GKN2: variants seen among roughly 807,000 people sequenced by gnomAD.
The protein encoded by GKN2 is gastrokine-2.
Under a neutral mutation model 22.7 loss-of-function variants are expected in GKN2, and 17 were observed. The observed-to-expected ratio is 0.75, with a 90% confidence interval of 0.51 to 1.13. GKN2 has a LOEUF of 1.13. Among genes scored for constraint, GKN2 ranks in the 50% most tolerant of loss-of-function variants. The pLI is 0.00. For missense variants in GKN2, 248 were observed against 221.4 expected (o/e 1.12, Z -0.76); for synonymous variants, 82 against 79.6 (o/e 1.03, Z -0.16).
At chr2:68,950,041 A>G (rs757967403) in intron 3 of GKN2, 85 bp downstream of exon 3, 261 of 1,014,228 alleles carry the variant, frequency 2.6e-4, no homozygotes, top group Non-Finnish European at 3.2e-4. Flanking sequence ...TAAGAATTCA[A>G]GTATATATGC....
In GKN2 at chr2:68,945,837, T is replaced by A. The variant is rs540286715; in HGVS notation, c.473-387A>T. 28 of 219,620 alleles carry A rather than the reference T, an allele frequency of 1.3e-4. No individual in the cohort carries two copies. The South Asian group carries it at 3.7e-3, about 29-fold the overall frequency. 13.6% of individuals were successfully genotyped at this position (219,620 alleles called of 1,614,324 possible). A position where few individuals can be genotyped will look rare whatever the true frequency, so the allele number is the denominator to read the frequency against. ...TCTGCAGTGGCATATGTTACCCAGA[T>A]GAATCAGGGTTTTTACTCCCTGTCT... On this transcript the variant is annotated intron_variant, in intron 5 of 5. Coordinates refer to ENST00000328895, the MANE Select transcript of GKN2 (RefSeq NM_182536.3).
rs148573188 is a variant in GKN2, at chr2:68,946,859, C to T, written c.315+288G>A. Among the ~76,000 whole-genome samples, 495 of 152,202 alleles carry T rather than the reference C, an allele frequency of 3.3e-3. 5 individuals are homozygous for T. The highest frequency in any genetic ancestry group is 0.011 in the African/African-American group (453 of 41,534). On this transcript the variant is annotated intron_variant, in intron 4 of 5. Transcript: ENST00000328895. ...TGTTCCAGTCACCATTTCTCATAGC[C>T]CTGCTCTGAGAAGAGAAGCTGATCA...
rs375702816 is a variant in GKN2, at chr2:68,945,358, G to A, written c.*10C>T. ...TTCTTTGAAAAGATAAAACAAGAGG[G>A]CTAATCATCCTAAACATGAATGTCT... On this transcript the variant is annotated 3_prime_UTR_variant, in exon 6 of 6. Coordinates refer to ENST00000328895, the MANE Select transcript of GKN2 (RefSeq NM_182536.3). 8 of 1,566,826 alleles carry A rather than the reference G, an allele frequency of 5.1e-6. No individual in the cohort carries two copies. In the African/African-American group the frequency reaches 9.4e-5, roughly 18 times the overall value.
intron 1 of GKN2, 49 bp from the exon 2 acceptor site, chr2:68,950,804 T>C: frequency 6.3e-7 from 1 of 1,585,484 alleles, no homozygotes; most frequent in Non-Finnish European, 8.7e-7. Flanking sequence ...AGTCATTGAG[T>C]GTGGGACAGG....
At chr2:68,951,176 A>T (rs879427661) in intron 1 of GKN2, among the ~76,000 whole-genome samples, 9 of 152,190 alleles carry the variant, frequency 5.9e-5, no homozygotes, top group Non-Finnish European at 7.3e-5. Flanking sequence ...AATTAATTTT[A>T]AAAAACTTTA....
intron 1 of GKN2, among the ~76,000 whole-genome samples, chr2:68,951,531 G>A (rs907213971): frequency 4.6e-5 from 7 of 152,334 alleles, no homozygotes; most frequent in Middle Eastern, 3.4e-3. Flanking sequence ...TGACTGCACT[G>A]TCATTTGAAA....
In GKN2 at chr2:68,947,051, T is replaced by C. The variant is rs6742850; in HGVS notation, c.315+96A>G. The stretch of plus-strand genomic sequence containing the variant: ...GTATCACATTTATGGTAAGGCATGA[T>C]AGTATGATCTTCTCCCTCACACTCT... On this transcript the variant is annotated intron_variant, in intron 4 of 5. Coordinates refer to ENST00000328895, the MANE Select transcript of GKN2 (RefSeq NM_182536.3). The C allele has an allele frequency of 0.023, 16,925 of 746,334 alleles. 1,872 individuals are homozygous for C. The African/African-American group carries it at 0.25, about 11-fold the overall frequency. The allele number at this position is 746,334 out of a possible 1,614,324, so 46.2% of individuals were successfully genotyped here.
At chr2:68,950,067 A>G in intron 3 of GKN2, 59 bp downstream of exon 3, 2 of 1,450,620 alleles carry the variant, frequency 1.4e-6, no homozygotes, top group Non-Finnish European at 1.9e-6. Context: ...ATATATATAG[A>G]TCCCTCTGCT....
chr2:68,946,526 A>G, intron 4 of GKN2, 66 bp from the exon 5 acceptor site: 1 of 1,315,142 alleles, frequency 7.6e-7, no homozygotes, highest in Non-Finnish European at 1.0e-6. Flanking sequence ...ACCTTATTCT[A>G]AATTGTGACA....
At chr2:68,952,820 G>A (rs532910142) in intron 1 of GKN2, 30 bp downstream of exon 1, 1 of 1,613,062 alleles carries the variant, frequency 6.2e-7, no homozygotes, top group Non-Finnish European at 8.5e-7. Context: ...GTCACCACAA[G>A]AGTATCAAGA....
chr2:68,952,124 G>A (rs1669865353), intron 1 of GKN2, among the ~76,000 whole-genome samples: 1 of 152,212 alleles, frequency 6.6e-6, no homozygotes, highest in African/African-American at 2.4e-5. Flanking sequence ...GCACTGCAAT[G>A]TGGAACTACG....
At chr2:68,948,507 G>T (rs910196516) in intron 3 of GKN2, among the ~76,000 whole-genome samples, 1 of 152,056 alleles carries the variant, frequency 6.6e-6, no homozygotes, top group African/African-American at 2.4e-5. Context: ...ACTCATGCAC[G>T]CTCACACACG....
At position 68,952,835 on chromosome 2, in the gene GKN2, G is replaced by A; in HGVS notation, c.12+15C>T. 2 of 1,613,738 alleles carry A rather than the reference G, an allele frequency of 1.2e-6. No homozygotes were observed. The highest frequency in any genetic ancestry group is 2.2e-5 in the South Asian group (2 of 91,060). On this transcript the variant is annotated intron_variant, in intron 1 of 5. Transcript: ENST00000328895. ...GTCACCACAAGAGTATCAAGAAGCA[G>A]AAACAAATACTCACAAGTATTTTCA... is the stretch of plus-strand genomic sequence containing the variant.
intron 3 of GKN2, among the ~76,000 whole-genome samples, chr2:68,948,115 G>A (rs1292732213): frequency 2.6e-5 from 4 of 151,582 alleles, no homozygotes; most frequent in Admixed American, 6.6e-5. Context: ...GCGTGGTGGC[G>A]GGCACCTGTA....
chr2:68,947,184 G>A lies in GKN2; in HGVS notation c.278C>T (p.Pro93Leu). Residue 93 changes from proline (P) to leucine (L), a missense_variant, in exon 4 of 6, where the codon CCT becomes CTT. By Grantham distance (98) the Pro-to-Leu change is moderately conservative. Coordinates refer to ENST00000328895, the MANE Select transcript of GKN2 (RefSeq NM_182536.3). Reference sequence around the variant, plus strand: ...GATGTACCATTGGAGATTGTTCAGAGGAGGGATGTTCTGATGGTCCATCTT... The same window carrying A: ...GATGTACCATTGGAGATTGTTCAGAAGAGGGATGTTCTGATGGTCCATCTT... ...ILKMDHQNIP[P>L]LNNLQWYIYE... The A allele has an allele frequency of 1.9e-6, 3 of 1,613,534 alleles. No homozygotes were observed. Among genetic ancestry groups the A allele is most frequent in the Non-Finnish European group, 1.7e-6 (2 of 1,179,496 alleles).
Position 68,947,174 on chromosome 2 carries a change from A to C in GKN2, c.288T>G (p.Asn96Lys). The change falls in exon 4 of 6, where the codon AAT (asparagine) becomes AAG (lysine). Residue 96 changes from asparagine to lysine, a missense_variant. By Grantham distance (94) the Asn-to-Lys change is moderately conservative (BLOSUM62 0). Transcript: ENST00000328895. The stretch of plus-strand genomic sequence containing the variant: ...GTTTCTCATAGATGTACCATTGGAG[A>C]TTGTTCAGAGGAGGGATGTTCTGAT... ...MDHQNIPPLN[N>K]LQWYIYEKQA... 6.2e-7 allele frequency: 1 copy of C among 1,612,790 alleles called. No homozygotes were observed. The highest frequency in any genetic ancestry group is 8.5e-7 in the Non-Finnish European group (1 of 1,178,842).
In GKN2 at chr2:68,946,312, T is replaced by C. The variant is rs765025122; in HGVS notation, c.464A>G (p.Glu155Gly). 1 of 1,606,880 alleles carries C rather than the reference T, an allele frequency of 6.2e-7. No homozygotes were observed. Among genetic ancestry groups the C allele is most frequent in the Non-Finnish European group, 8.5e-7 (1 of 1,177,902 alleles). The change falls in exon 5 of 6, where the codon GAA (glutamate) becomes GGA (glycine). Residue 155 changes from glutamate (E) to glycine (G), a missense_variant. Coordinates refer to ENST00000328895, the MANE Select transcript of GKN2 (RefSeq NM_182536.3). ...GACTTATTGGTACTCACGTGTGTTTTCAACCACTTCCCCCTTATACAAAGG... is the reference window on the plus strand; with the variant it reads ...GACTTATTGGTACTCACGTGTGTTTCCAACCACTTCCCCCTTATACAAAGG... ...HIPLYKGEVV[E>G]NTHNVGAGGC...
chr2:68,946,533 G>C, intron 4 of GKN2, 73 bp from the exon 5 acceptor site: 1 of 1,283,818 alleles, frequency 7.8e-7, no homozygotes, highest in Non-Finnish European at 1.1e-6. Context: ...TCTAAATTGT[G>C]ACAATTTTTC....
At chr2:68,949,026 C>T (rs187195904) in intron 3 of GKN2, among the ~76,000 whole-genome samples, 28 of 152,152 alleles carry the variant, frequency 1.8e-4, no homozygotes, top group African/African-American at 3.6e-4. Context: ...GAAAGAGGAA[C>T]GTGAAGACAT....
Sources: gnomAD v4.1 joint callset for allele counts (sites outside exome capture counted in the v4.1 genomes callset) on GRCh38, gnomAD v4.1.1 for gene constraint, MANE v1.5 for transcripts, NCBI Gene and HGNC (gene_info 2026-07-23, HGNC 2026-07-21) for gene names.